Variants in HK1 observed in about 807,000 individuals in gnomAD.
The protein encoded by HK1 is hexokinase-1.
Under a neutral mutation model 91.6 loss-of-function variants are expected in HK1, and 28 were observed. The observed-to-expected ratio is 0.31, with a 90% CI of 0.23 to 0.42. The LOEUF is 0.42. Ranked by LOEUF, HK1 falls within the 10% of genes least tolerant of loss-of-function variation. The pLI, the probability that HK1 is intolerant of heterozygous loss-of-function variation, is 1.00. For missense variants in HK1, 770 were observed against 1,219.8 expected (o/e 0.63, Z 5.49); for synonymous variants, 430 against 468.1 (o/e 0.92, Z 1.05).
In HK1 at chr10:69,382,720, G is replaced by T. The variant is rs752199128; in HGVS notation, c.1499G>T (p.Arg500Met). ...RMRAEMELGLRKQTHNNAVVK... is the reference protein window; with the variant it reads ...RMRAEMELGLMKQTHNNAVVK... ...CGGGCCGAGATGGAGCTGGGGCTGAGGAAGCAGACGCACAACAATGCCGTG... is the reference window on the plus strand; with the variant it reads ...CGGGCCGAGATGGAGCTGGGGCTGATGAAGCAGACGCACAACAATGCCGTG... The change falls in exon 10 of 18, where the codon AGG becomes ATG. Residue 500 changes from arginine (R) to methionine (M), a missense_variant. By Grantham distance (91) the Arg-to-Met change is moderately conservative. Around this residue, in one of 7 missense-constraint regions of HK1, gnomAD observed 449 missense variants for 665.1 expected, o/e 0.68. Transcript: ENST00000359426. 2 of 1,613,434 alleles carry T rather than the reference G, an allele frequency of 1.2e-6. No homozygotes were observed. The highest frequency in any genetic ancestry group is 1.1e-5 in the South Asian group (1 of 90,810).
rs1249724643 is a variant in HK1, at chr10:69,377,066, C to T, written c.1008C>T (p.Thr336=). 1.9e-6 allele frequency: 3 copies of T among 1,614,166 alleles called. No homozygotes were observed. Among genetic ancestry groups the T allele is most frequent in the Non-Finnish European group, 2.5e-6 (3 of 1,180,026 alleles). Residue 336 remains threonine, a synonymous_variant, in exon 8 of 18, where the codon ACC becomes ACT. Coordinates refer to ENST00000359426, the MANE Select transcript of HK1 (RefSeq NM_000188.3). ...PELLTRGKFN[T]SDVSAIEKNK... ...TGCTCACCCGAGGGAAGTTTAACAC[C>T]AGTGATGTGTCAGCCATCGAAAAGT... is the stretch of plus-strand genomic sequence containing the variant.
intron 10 of HK1, among the ~76,000 whole-genome samples, chr10:69,383,063 C>G (rs2132887605): frequency 6.6e-6 from 1 of 152,220 alleles, no homozygotes; most frequent in Admixed American, 6.5e-5. Flanking sequence ...CTTAGCTGGG[C>G]AAGGTGACAC....
chr10:69,344,110 CCCATCCAT>C (rs149581082), intron 2 of HK1, 121 bp downstream of exon 2: 6 of 983,726 alleles, frequency 6.1e-6, no homozygotes, highest in Middle Eastern at 2.1e-4. Context: ...AATCTGCTCT[CCCATCCAT>C]CCATCCATCC....
chr10:69,287,775 A>T (rs187620335), intron 2 of HK1, among the ~76,000 whole-genome samples: 16 of 152,246 alleles, frequency 1.1e-4, no homozygotes, highest in Admixed American at 3.3e-4. Flanking sequence ...CTCATTTTTT[A>T]AAAAATCACA....
Position 69,380,188 on chromosome 10 carries a change from T to C in HK1, c.1265+93T>C, listed in dbSNP as rs1047830359. 9.8e-7 allele frequency: 1 copy of C among 1,019,402 alleles called. No individual in the cohort carries two copies. Among genetic ancestry groups the C allele is most frequent in the South Asian group, 1.3e-5 (1 of 75,296 alleles). 63.1% of individuals were successfully genotyped at this position (1,019,402 alleles called of 1,614,324 possible). A position where few individuals can be genotyped will look rare whatever the true frequency, so the allele number is the denominator to read the frequency against. ...AGACTTTTGTACCCGGTAAACGTTT[T>C]TCGGCAGACAAGACAATGGTGGTCG... On this transcript the variant is annotated intron_variant, in intron 9 of 17. Coordinates refer to ENST00000359426, the MANE Select transcript of HK1 (RefSeq NM_000188.3). The surrounding 1 kb of genome is among the most constrained non-coding windows in gnomAD (Gnocchi z 4.0).
upstream of HK1, among the ~76,000 whole-genome samples, chr10:69,313,045 T>C (rs1484510494): frequency 6.6e-6 from 1 of 152,182 alleles, no homozygotes; most frequent in Non-Finnish European, 1.5e-5. Flanking sequence ...GGGGCCTTTA[T>C]GATACCTGAG....
chr10:69,382,474 CT>C lies in HK1; in HGVS notation c.1266-12del, dbSNP rs757384464. On this transcript the variant is annotated splice_polypyrimidine_tract_variant and intron_variant, in intron 9 of 17. Transcript: ENST00000359426. Reference sequence around the variant, plus strand: ...GTCCAGCTGTTGTGGAATGTCCCCCCTGCCCCCATAAGGTATTCCCGGCGTT... The same window carrying C: ...GTCCAGCTGTTGTGGAATGTCCCCCCGCCCCCATAAGGTATTCCCGGCGTT... 34 of 1,613,960 alleles carry C rather than the reference CT, an allele frequency of 2.1e-5. No individual in the cohort carries two copies. The highest frequency in any genetic ancestry group is 2.8e-5 in the Non-Finnish European group (33 of 1,179,898).
At chr10:69,372,010 A>G (rs1850031850) in intron 7 of HK1, among the ~76,000 whole-genome samples, 1 of 152,258 alleles carries the variant, frequency 6.6e-6, no homozygotes, top group Admixed American at 6.5e-5. Context: ...AAAGAGGTTT[A>G]ATAAACTTAC....
rs544434665 is a variant in HK1, at chr10:69,351,610, G to A, written c.226+7621G>A. On this transcript the variant is annotated intron_variant, in intron 2 of 17. Coordinates refer to ENST00000359426, the MANE Select transcript of HK1 (RefSeq NM_000188.3). ...CCAGAAAAGAAGTGTAGCCATTCCTGATGTGCTGAAGTCTCTCTCTGGCCC... is the reference window on the plus strand; with the variant it reads ...CCAGAAAAGAAGTGTAGCCATTCCTAATGTGCTGAAGTCTCTCTCTGGCCC... Among the ~76,000 whole-genome samples, 136 of 152,294 alleles carry A rather than the reference G, an allele frequency of 8.9e-4. 1 individual carries two copies. The highest frequency in any genetic ancestry group is 3.2e-3 in the African/African-American group (131 of 41,544).
intron 4 of HK1, among the ~76,000 whole-genome samples, chr10:69,298,042 C>T (rs1380763583): frequency 6.6e-6 from 1 of 151,068 alleles, no homozygotes; most frequent in East Asian, 1.9e-4. Context: ...GAAACCCCGT[C>T]TCTACTAAAA....
At chr10:69,279,665 A>T (rs1186310980) in intron 1 of HK1, among the ~76,000 whole-genome samples, 1 of 152,220 alleles carries the variant, frequency 6.6e-6, no homozygotes, top group Non-Finnish European at 1.5e-5. Context: ...TAGTTTAAAT[A>T]TGTAGTCCAA....
In HK1 at chr10:69,401,226, C is replaced by T. The variant is rs1480457683; in HGVS notation, c.*91C>T. On this transcript the variant is annotated 3_prime_UTR_variant, in exon 18 of 18. Coordinates refer to ENST00000359426, the MANE Select transcript of HK1 (RefSeq NM_000188.3). ...TCCCAGCGAGTTGCGCTGGGAGACGCTGGCGCCAGGGCCTGCCGGCGCGGG... is the reference window on the plus strand; with the variant it reads ...TCCCAGCGAGTTGCGCTGGGAGACGTTGGCGCCAGGGCCTGCCGGCGCGGG... 2.7e-6 allele frequency: 4 copies of T among 1,492,754 alleles called. No homozygotes were observed. Among genetic ancestry groups the T allele is most frequent in the Non-Finnish European group, 3.6e-6 (4 of 1,101,182 alleles). The allele number at this position is 1,492,754 out of a possible 1,614,324, so 92.5% of individuals were successfully genotyped here. A position where few individuals can be genotyped will look rare whatever the true frequency, so the allele number is the denominator to read the frequency against.
Position 69,374,169 on chromosome 10 carries a change from C to T in HK1, c.876-2765C>T, listed in dbSNP as rs73267653. Among the ~76,000 whole-genome samples, 564 of 152,276 alleles carry T rather than the reference C, an allele frequency of 3.7e-3. 4 individuals carry two copies. Among genetic ancestry groups the T allele is most frequent in the African/African-American group, 0.013 (527 of 41,540 alleles). ...GGTTCTGCTGCTCCATGGAATCTCT[C>T]GGCAGCTCCGGTCCTGGTTTGCTTG... On this transcript the variant is annotated intron_variant, in intron 7 of 17. Transcript: ENST00000359426.
intron 2 of HK1, among the ~76,000 whole-genome samples, chr10:69,354,733 A>G (rs1252605618): frequency 6.6e-6 from 1 of 152,168 alleles, no homozygotes; most frequent in African/African-American, 2.4e-5. Context: ...AAGGACAGAG[A>G]ATCCCAAGTT....
chr10:69,287,991 AT>A (rs1279228620), intron 2 of HK1, among the ~76,000 whole-genome samples: 4 of 147,772 alleles, frequency 2.7e-5, no homozygotes, highest in Admixed American at 6.8e-5. Context: ...AAAAAAAAAA[AT>A]TAAAAATTAG....
Position 69,394,938 on chromosome 10 carries a change from C to T in HK1, c.2220-12C>T. 6.2e-7 allele frequency: 1 copy of T among 1,614,042 alleles called. No individual in the cohort carries two copies. Among genetic ancestry groups the T allele is most frequent in the South Asian group, 1.1e-5 (1 of 91,074 alleles). On this transcript the variant is annotated splice_polypyrimidine_tract_variant and intron_variant, in intron 15 of 17. Transcript: ENST00000359426. ...TTCCCATAGACACCCCAGGCCCCTC[C>T]TCCTGTCTCAGGTATGAGAAGATGA...
intron 2 of HK1, among the ~76,000 whole-genome samples, chr10:69,347,643 C>G (rs1368181702): frequency 6.6e-6 from 1 of 151,802 alleles, no homozygotes; most frequent in African/African-American, 2.4e-5. Context: ...ACCATGTTGG[C>G]CAGACTGGTC....
At chr10:69,272,912 A>T (rs900098873) in intron 1 of HK1, among the ~76,000 whole-genome samples, 3 of 150,528 alleles carry the variant, frequency 2.0e-5, no homozygotes, top group African/African-American at 7.3e-5. Flanking sequence ...AAATTCCAAT[A>T]TGCAAACATT....
intron 1 of HK1, among the ~76,000 whole-genome samples, chr10:69,339,489 C>A (rs1243182829): frequency 6.6e-6 from 1 of 152,212 alleles, no homozygotes; most frequent in Non-Finnish European, 1.5e-5. Context: ...GGGGTTGTAC[C>A]TCATGACGAC....
Sources: gnomAD v4.1 joint callset for allele counts (sites outside exome capture counted in the v4.1 genomes callset) on GRCh38, gnomAD v4.1.1 for gene constraint, gnomAD v4.1.1 regional missense constraint, Gnocchi (gnomAD v3.1) non-coding constraint, MANE v1.5 for transcripts, NCBI Gene and HGNC (gene_info 2026-07-23, HGNC 2026-07-21) for gene names.